GDPD5: variants seen among roughly 807,000 people sequenced by gnomAD.
GDPD5 encodes glycerophosphodiester phosphodiesterase 2.
In GDPD5, 48 loss-of-function variants were observed where a neutral mutation model predicts 75.1. That is an observed-to-expected ratio of 0.64 (90% CI 0.51 to 0.81). The LOEUF is 0.81. GDPD5 is among the 40% of genes least tolerant of loss of function. The probability of loss-of-function intolerance (pLI) is 0.00; values close to 1 mark genes in which losing one functional copy is unlikely to be tolerated. For missense variants in GDPD5, 706 were observed against 822.6 expected, an observed-to-expected ratio of 0.86 and a Z score of 1.73; for synonymous variants, 336 against 339.0, an observed-to-expected ratio of 0.99 and a Z score of 0.10.
chr11:75,446,072 G>A (rs890840117), intron 9 of GDPD5, among the ~76,000 whole-genome samples: 3 of 152,212 alleles, frequency 2.0e-5, no homozygotes, highest in African/African-American at 4.8e-5. Context: ...AGGACTCAGT[G>A]GAATCCCACC....
In GDPD5 at chr11:75,456,742, C is replaced by T. The variant is rs371566401; in HGVS notation, c.375+15G>A. 59 of 1,613,868 alleles carry T rather than the reference C, an allele frequency of 3.7e-5. No homozygotes were observed. The East Asian group carries it at 1.0e-3, about 28-fold the overall frequency. On this transcript the variant is annotated intron_variant, in intron 6 of 16. Transcript: ENST00000336898. ...TCCCTTGCTCTCTCCCAGCCCCGGC[C>T]GAGGCGGCCCTTACCTTGTGCAGCC...
chr11:75,505,726 T>C (rs1950382703), intron 1 of GDPD5, among the ~76,000 whole-genome samples: 2 of 152,190 alleles, frequency 1.3e-5, no homozygotes, highest in Non-Finnish European at 2.9e-5. Flanking sequence ...CCAAGTGGAT[T>C]TGGTTTAATT....
chr11:75,476,229 C>T lies in GDPD5; in HGVS notation c.117+1390G>A, dbSNP rs575906982. Reference sequence around the variant, plus strand: ...GGGATTCTGAAGCCAAGATCACAACCTATCTCCCATTTCAGAGATGGAGAG... The same window carrying T: ...GGGATTCTGAAGCCAAGATCACAACTTATCTCCCATTTCAGAGATGGAGAG... On this transcript the variant is annotated intron_variant, in intron 3 of 16. Transcript: ENST00000336898. Among the ~76,000 whole-genome samples the T allele has an allele frequency of 2.6e-5, 4 of 152,160 alleles. No homozygotes were observed. In the East Asian group the frequency reaches 7.7e-4, roughly 29 times the overall value.
chr11:75,476,769 A>C (rs1949787407), intron 3 of GDPD5, among the ~76,000 whole-genome samples: 1 of 152,132 alleles, frequency 6.6e-6, no homozygotes, highest in Non-Finnish European at 1.5e-5. Context: ...TCTATCCGTC[A>C]TCAGCACAGG....
rs548524731 is a variant in GDPD5, at chr11:75,522,694, C to T, written c.-145+2516G>A. Among the ~76,000 whole-genome samples the T allele has an allele frequency of 4.1e-4, 63 of 152,232 alleles. 1 individual carries two copies. The highest frequency in any genetic ancestry group is 1.4e-3 in the African/African-American group (58 of 41,534). ...CCCCCATATCCAAGACTGCTAACAG[C>T]ACAGACAGGAGCCCCCACCTCCTCT... is the stretch of plus-strand genomic sequence containing the variant. On this transcript the variant is annotated intron_variant, in intron 1 of 16. Coordinates refer to ENST00000336898, the MANE Select transcript of GDPD5 (RefSeq NM_030792.8).
intron 1 of GDPD5, among the ~76,000 whole-genome samples, chr11:75,514,321 G>A (rs527325433): frequency 6.6e-6 from 1 of 152,366 alleles, no homozygotes; most frequent in African/African-American, 2.4e-5. Flanking sequence ...AGGGTCTTCA[G>A]TCAGAACTAC....
In GDPD5 at chr11:75,444,379, G is replaced by C. The variant is rs764294083; in HGVS notation, c.797+34C>G. On this transcript the variant is annotated intron_variant, in intron 10 of 16. Transcript: ENST00000336898. ...GGTGGATGCCGAAGCGTGTGGGAGG[G>C]GTAGAGGAACTATCTCCCCTCCGCT... 4.7e-6 allele frequency: 7 copies of C among 1,495,322 alleles called. No individual in the cohort carries two copies. The Admixed American group carries it at 6.7e-5, about 14-fold the overall frequency. The allele number at this position is 1,495,322 out of a possible 1,614,324, so 92.6% of individuals were successfully genotyped here.
At chr11:75,449,654 T>G in intron 7 of GDPD5, 44 bp from the exon 8 acceptor site, 2 of 1,540,402 alleles carry the variant, frequency 1.3e-6, no homozygotes, top group Non-Finnish European at 1.8e-6. Flanking sequence ...CGCCCAGCTC[T>G]GCCCAGACCC....
At chr11:75,497,217 G>A (rs1950227276) in intron 1 of GDPD5, among the ~76,000 whole-genome samples, 1 of 151,746 alleles carries the variant, frequency 6.6e-6, no homozygotes, top group Non-Finnish European at 1.5e-5. Flanking sequence ...GCTCTCCTGT[G>A]TGCCCAGCAG....
chr11:75,500,548 CT>C (rs1291123396), intron 1 of GDPD5, among the ~76,000 whole-genome samples: 1 of 152,156 alleles, frequency 6.6e-6, no homozygotes, highest in Non-Finnish European at 1.5e-5. Flanking sequence ...CCTAAGCCCC[CT>C]TTCCCTCCCT....
chr11:75,517,995 T>C (rs890237978), intron 1 of GDPD5, among the ~76,000 whole-genome samples: 1 of 152,214 alleles, frequency 6.6e-6, no homozygotes, highest in Admixed American at 6.5e-5. Context: ...TGCCTTGTCT[T>C]ATCTCTTAGA....
At chr11:75,447,121 G>C (rs1949005001) in intron 9 of GDPD5, among the ~76,000 whole-genome samples, 1 of 152,122 alleles carries the variant, frequency 6.6e-6, no homozygotes, top group African/African-American at 2.4e-5. Context: ...GACCTCAGGT[G>C]ATCTGCCTGC....
chr11:75,480,456 C>T (rs986562836), intron 2 of GDPD5, among the ~76,000 whole-genome samples: 7 of 152,116 alleles, frequency 4.6e-5, no homozygotes, highest in South Asian at 2.1e-4. Flanking sequence ...CTCCAGGGCT[C>T]AAGTGATCCT....
chr11:75,502,982 A>C (rs1460418377), intron 1 of GDPD5, among the ~76,000 whole-genome samples: 1 of 152,236 alleles, frequency 6.6e-6, no homozygotes, highest in Non-Finnish European at 1.5e-5. Context: ...GCTGAGCTCA[A>C]CTTAAATTCC....
chr11:75,443,296 G>C lies in GDPD5; in HGVS notation c.798-10C>G. ...GGGCACGCCGTCCAGGCTGCAGGGA[G>C]GGTGGGGCCACCGAGTCAGTGACCC... On this transcript the variant is annotated splice_polypyrimidine_tract_variant and intron_variant, in intron 10 of 16. Transcript: ENST00000336898. 6.2e-7 allele frequency: 1 copy of C among 1,602,138 alleles called. No homozygotes were observed. The highest frequency in any genetic ancestry group is 1.3e-5 in the African/African-American group (1 of 74,946).
At position 75,441,691 on chromosome 11, in the gene GDPD5, T is replaced by C; in HGVS notation, c.1280A>G (p.Gln427Arg). 6.2e-7 allele frequency: 1 copy of C among 1,608,732 alleles called. No homozygotes were observed. The highest frequency in any genetic ancestry group is 8.5e-7 in the Non-Finnish European group (1 of 1,178,440). Residue 427 changes from glutamine (Q) to arginine (R), a missense_variant, in exon 13 of 17, where the codon CAG (glutamine) becomes CGG (arginine). Physicochemically the swap from Gln to Arg is conservative, Grantham distance 43. Transcript: ENST00000336898. The stretch of plus-strand genomic sequence containing the variant: ...CTGAGTGTAGCGCAGGTTCAGCCGC[T>C]GGATGTGGCCTCTCCGCAGGCTGGC... ...AVASLRRGHI[Q>R]RLNLRYTQVS...
chr11:75,514,246 C>T (rs562532759), intron 1 of GDPD5, among the ~76,000 whole-genome samples: 1 of 152,384 alleles, frequency 6.6e-6, no homozygotes. Flanking sequence ...CTGCCAGCCA[C>T]CAGCAGGACC....
At chr11:75,459,617 T>C (rs1036789097) in intron 4 of GDPD5, among the ~76,000 whole-genome samples, 10 of 151,930 alleles carry the variant, frequency 6.6e-5, no homozygotes, top group African/African-American at 2.2e-4. Context: ...GGTCAGGAGA[T>C]CAAGACCACG....
intron 15 of GDPD5, chr11:75,439,244 G>C (rs1308266091): frequency 6.9e-6 from 3 of 435,442 alleles, no homozygotes; most frequent in Non-Finnish European, 1.4e-5. Context: ...CGGGCACAGG[G>C]CTTGGTGCAC....
Sources: allele counts gnomAD v4.1 joint callset (sites outside exome capture counted in the v4.1 genomes callset), GRCh38; gene constraint gnomAD v4.1.1; transcripts MANE v1.5; gene names NCBI Gene and HGNC (gene_info 2026-07-23, HGNC 2026-07-21).